IQANK1: variants seen among roughly 807,000 people sequenced by gnomAD.
IQANK1 encodes the protein IQ motif and ankyrin repeat containing 1, also known as IQ motif and ankyrin repeat domain-containing protein 1.
IQANK1 carries 30 observed loss-of-function variants against 22.6 expected under a neutral mutation model. That is an observed-to-expected ratio of 1.33 (90% confidence interval 0.99 to 1.80). The LOEUF (loss-of-function observed/expected upper bound fraction) is 1.80, where lower values mean the gene tolerates loss of function less well. Ranked by LOEUF, IQANK1 falls within the 40% of genes most tolerant of loss-of-function variation. The pLI is 0.00. For synonymous variants in IQANK1, 122 were observed against 99.6 expected, an observed-to-expected ratio of 1.23 and a Z score of -1.34; for missense variants, 275 against 235.2, an observed-to-expected ratio of 1.17 and a Z score of -1.11.
intron 7 of IQANK1, among the ~76,000 whole-genome samples, chr8:143,775,355 G>GACACAC (rs1216128730): frequency 2.0e-5 from 2 of 99,486 alleles, no homozygotes; most frequent in Non-Finnish European, 5.3e-5. Flanking sequence ...CACACACACA[G>GACACAC]ACACACACAC....
In IQANK1 at chr8:143,771,351, C is replaced by A; in HGVS notation, c.176-137C>A. The A allele has an allele frequency of 2.6e-6, 1 of 389,678 alleles. No individual in the cohort carries two copies. The allele number at this position is 389,678 out of a possible 1,614,324, so 24.1% of individuals were successfully genotyped here. A position where few individuals can be genotyped will look rare whatever the true frequency, so the allele number is the denominator to read the frequency against. Reference sequence around the variant, plus strand: ...TCTGCGGGCGGGAACCCCGGCTCGGCCGCGCTGGGGGCTTTGAGAGCCGTT... The same window carrying A: ...TCTGCGGGCGGGAACCCCGGCTCGGACGCGCTGGGGGCTTTGAGAGCCGTT... On this transcript the variant is annotated intron_variant, in intron 3 of 13. Transcript: ENST00000527139. This position sits in a 1 kb window ranked among gnomAD's most constrained non-coding sequence, Gnocchi z 6.0.
intron 7 of IQANK1, among the ~76,000 whole-genome samples, chr8:143,787,646 G>A (rs892029291): frequency 2.6e-5 from 4 of 152,260 alleles, no homozygotes; most frequent in Admixed American, 2.6e-4. Context: ...AAGAGCTACA[G>A]GGAACTCATC....
At chr8:143,779,229 TCTA>T (rs1819748957) in intron 7 of IQANK1, among the ~76,000 whole-genome samples, 1 of 152,248 alleles carries the variant, frequency 6.6e-6, no homozygotes, top group African/African-American at 2.4e-5. Context: ...TTATTTTTTA[TCTA>T]CTATTCATTC....
intron 7 of IQANK1, among the ~76,000 whole-genome samples, chr8:143,787,340 C>T (rs1819909602): frequency 6.6e-6 from 1 of 152,146 alleles, no homozygotes; most frequent in African/African-American, 2.4e-5. Flanking sequence ...GCCTGTGGAT[C>T]CATCAGGTGG....
chr8:143,754,559 C>T (rs951977628), intron 3 of IQANK1, among the ~76,000 whole-genome samples: 13 of 152,068 alleles, frequency 8.5e-5, no homozygotes, highest in Non-Finnish European at 1.3e-4. Context: ...TGCAACATGG[C>T]GCTGAATTCA....
Position 143,772,153 on chromosome 8 carries a change from C to T in IQANK1, c.573C>T (p.Tyr191=). 2.5e-6 allele frequency: 1 copy of T among 394,728 alleles called. No individual in the cohort carries two copies. Among genetic ancestry groups the T allele is most frequent in the Non-Finnish European group, 4.5e-6 (1 of 223,520 alleles). The allele number at this position is 394,728 out of a possible 1,614,324, so 24.5% of individuals were successfully genotyped here. A position where few individuals can be genotyped will look rare whatever the true frequency, so the allele number is the denominator to read the frequency against. The change falls in exon 6 of 14, where the codon TAC becomes TAT. Residue 191 remains tyrosine, a synonymous_variant. Coordinates refer to ENST00000527139, the MANE Select transcript of IQANK1 (RefSeq NM_001381874.1). Reference sequence around the variant, plus strand: ...CTCTGGCGGAGTGCGAGGACAGCTACGGGAACACGCCGCTGTCGGAGGCGG... The same window carrying T: ...CTCTGGCGGAGTGCGAGGACAGCTATGGGAACACGCCGCTGTCGGAGGCGG... ...RVALAECEDS[Y]GNTPLSEAAA...
chr8:143,776,381 C>G lies in IQANK1; in HGVS notation c.789+3899C>G, dbSNP rs185453242. 2.8e-3 allele frequency among the ~76,000 whole-genome samples: 419 copies of G among 151,422 alleles called. 2 individuals carry two copies. The highest frequency in any genetic ancestry group is 5.1e-3 in the Non-Finnish European group (345 of 67,816). On this transcript the variant is annotated intron_variant, in intron 7 of 13. Coordinates refer to ENST00000527139, the MANE Select transcript of IQANK1 (RefSeq NM_001381874.1). ...AAAGAAAAAAATTGAGCAAAAACGT[C>G]TGATTTATCCTCTCACTTCAAACAA...
chr8:143,738,145 G>A (rs1305394796), intron 2 of IQANK1, among the ~76,000 whole-genome samples: 4 of 152,212 alleles, frequency 2.6e-5, no homozygotes, highest in East Asian at 1.9e-4. Context: ...GCGGGGGCTC[G>A]ACCTCAGGGC....
intron 3 of IQANK1, chr8:143,742,426 C>T (rs1471826523): frequency 4.4e-6 from 2 of 455,904 alleles, no homozygotes; most frequent in Non-Finnish European, 8.8e-6. Flanking sequence ...TGGTGCCCTC[C>T]CCAGGAGGCA....
chr8:143,747,492 G>A (rs1242997078), intron 3 of IQANK1, among the ~76,000 whole-genome samples: 3 of 152,090 alleles, frequency 2.0e-5, no homozygotes, highest in Non-Finnish European at 4.4e-5. Flanking sequence ...ATTAGTTTCA[G>A]CGTTTATGGC....
At chr8:143,750,966 G>GTGTGTTT (rs1554627959) in intron 3 of IQANK1, among the ~76,000 whole-genome samples, 32 of 150,592 alleles carry the variant, frequency 2.1e-4, no homozygotes, top group African/African-American at 7.8e-4. Flanking sequence ...GTGTGTGTGT[G>GTGTGTTT]TTTTTTTGTA....
At chr8:143,766,488 T>A (rs913082701) in intron 3 of IQANK1, among the ~76,000 whole-genome samples, 16 of 151,916 alleles carry the variant, frequency 1.1e-4, no homozygotes, top group Non-Finnish European at 5.9e-5. Flanking sequence ...CTGGCCAACA[T>A]GGTGAAACCC....
At position 143,789,199 on chromosome 8, in the gene IQANK1, A is replaced by C. The variant is rs1402922902; in HGVS notation, c.949A>C (p.Lys317Gln). 5 of 399,392 alleles carry C rather than the reference A, an allele frequency of 1.3e-5. No individual in the cohort carries two copies. Among genetic ancestry groups the C allele is most frequent in the South Asian group, 2.5e-4 (2 of 7,890 alleles). 24.7% of individuals were successfully genotyped at this position (399,392 alleles called of 1,614,324 possible). ...EAERCGSMTLKVQQLTREQQQ... is the reference protein window; with the variant it reads ...EAERCGSMTLQVQQLTREQQQ... ...ATTCCTGCTCCTTAGTATGACCCTC[A>C]AGGTCCAACAGCTGACCAGGGAGCA... Residue 317 changes from lysine to glutamine, a missense_variant, in exon 9 of 14, where the codon AAG becomes CAG. Coordinates refer to ENST00000527139, the MANE Select transcript of IQANK1 (RefSeq NM_001381874.1).
chr8:143,751,510 G>T (rs902146257), intron 3 of IQANK1, among the ~76,000 whole-genome samples: 7 of 150,924 alleles, frequency 4.6e-5, no homozygotes, highest in Non-Finnish European at 8.9e-5. Flanking sequence ...TACTTGGGAG[G>T]CTGAGGCAGG....
intron 3 of IQANK1, among the ~76,000 whole-genome samples, chr8:143,740,225 C>A (rs1245294035): frequency 6.6e-6 from 1 of 151,998 alleles, no homozygotes; most frequent in Admixed American, 6.5e-5. Context: ...TCGGGAAGAC[C>A]CTACCCTGCG....
At chr8:143,739,522 G>A (rs548242936) in intron 2 of IQANK1, 1 of 268,138 alleles carries the variant, frequency 3.7e-6, no homozygotes, top group Non-Finnish European at 7.0e-6. Context: ...CAGTGTCAGG[G>A]GTGGGGCAGG....
chr8:143,758,528 C>G lies in IQANK1; in HGVS notation c.176-12960C>G, dbSNP rs2129864291. 1 of 152,250 alleles carries G rather than the reference C, an allele frequency of 6.6e-6. No homozygotes were observed. Among genetic ancestry groups the G allele is most frequent in the African/African-American group, 2.4e-5 (1 of 41,536 alleles). 9.4% of individuals were successfully genotyped at this position (152,250 alleles called of 1,614,324 possible). ...TGAAGGGATGATTTAACTCATGAAACTTGAGAACACGAGAACAACAAAAAT... is the reference window on the plus strand; with the variant it reads ...TGAAGGGATGATTTAACTCATGAAAGTTGAGAACACGAGAACAACAAAAAT... On this transcript the variant is annotated intron_variant, in intron 3 of 13. Coordinates refer to ENST00000527139, the MANE Select transcript of IQANK1 (RefSeq NM_001381874.1). The surrounding 1 kb of genome is among the most constrained non-coding windows in gnomAD (Gnocchi z 4.2).
In IQANK1 at chr8:143,776,137, C is replaced by T. The variant is rs60726500; in HGVS notation, c.789+3655C>T. The stretch of plus-strand genomic sequence containing the variant: ...GAGATCAAGCCCATCCTGGCTAACA[C>T]GGTGAAACCCCGTCTCCACTAAAAA... On this transcript the variant is annotated intron_variant, in intron 7 of 13. Coordinates refer to ENST00000527139, the MANE Select transcript of IQANK1 (RefSeq NM_001381874.1). Among the ~76,000 whole-genome samples the T allele has an allele frequency of 2.3e-3, 347 of 148,006 alleles. 18 individuals carry two copies. The highest frequency in any genetic ancestry group is 8.4e-3 in the African/African-American group (320 of 37,898).
intron 7 of IQANK1, among the ~76,000 whole-genome samples, chr8:143,773,308 A>C (rs1316948280): frequency 8.9e-5 from 12 of 134,376 alleles, no homozygotes; most frequent in Non-Finnish European, 1.3e-4. Flanking sequence ...CTCAAAAAAA[A>C]AAAAAAAACA....
Sources: allele counts gnomAD v4.1 joint callset (sites outside exome capture counted in the v4.1 genomes callset), GRCh38; gene constraint gnomAD v4.1.1; non-coding constraint Gnocchi (gnomAD v3.1); transcripts MANE v1.5; gene names NCBI Gene and HGNC (gene_info 2026-07-23, HGNC 2026-07-21).